The following MYO16 variants were observed in gnomAD, a reference collection of about 807,000 sequenced individuals.
The protein encoded by MYO16 is myosin XVI.
MYO16 carries 94 observed loss-of-function variants against 205.3 expected under a neutral mutation model. That is an observed-to-expected ratio of 0.46 (90% CI 0.39 to 0.54). The LOEUF (loss-of-function observed/expected upper bound fraction) is 0.54. Ranked by LOEUF, MYO16 falls within the 20% of genes least tolerant of loss-of-function variation. The pLI, the probability that MYO16 is intolerant of heterozygous loss-of-function variation, is 0.00. For missense variants in MYO16, 2,315 were observed against 2,387.5 expected (o/e 0.97, Z 0.63); for synonymous variants, 988 against 954.0 (o/e 1.04, Z -0.66).
intron 1 of MYO16, among the ~76,000 whole-genome samples, chr13:108,604,586 T>C (rs1258952228): frequency 7.2e-5 from 11 of 152,182 alleles, no homozygotes; most frequent in Admixed American, 2.6e-4. Flanking sequence ...AATATTAACA[T>C]TGAAGTTGAT....
chr13:109,060,162 T>G (rs139470335), intron 27 of MYO16, among the ~76,000 whole-genome samples: 8 of 152,308 alleles, frequency 5.3e-5, no homozygotes, highest in Admixed American at 2.0e-4. Context: ...TTATAAATCA[T>G]GCTGCTATAA....
chr13:108,593,398 G>A (rs1287588658), upstream of MYO16, among the ~76,000 whole-genome samples: 4 of 152,122 alleles, frequency 2.6e-5, no homozygotes, highest in African/African-American at 7.2e-5. Flanking sequence ...ATCAGTTCCC[G>A]GAGGGAGCTG....
At chr13:108,890,638 A>G (rs1880128146) in intron 14 of MYO16, among the ~76,000 whole-genome samples, 1 of 152,184 alleles carries the variant, frequency 6.6e-6, no homozygotes, top group Non-Finnish European at 1.5e-5. Context: ...GTTCGGACTC[A>G]TTGATAACTA....
At chr13:108,535,741 A>G in the MYO16 span, among the ~76,000 whole-genome samples, 2 of 152,236 alleles carry the variant, frequency 1.3e-5, no homozygotes, top group African/African-American at 2.4e-5. Flanking sequence ...AGGTCAAACC[A>G]GAATTCAAGA....
At chr13:108,545,351 G>A in the MYO16 span, among the ~76,000 whole-genome samples, 1 of 152,044 alleles carries the variant, frequency 6.6e-6, no homozygotes, top group Non-Finnish European at 1.5e-5. Flanking sequence ...TTTTTATGGC[G>A]GCATAGTATT....
intron 4 of MYO16, among the ~76,000 whole-genome samples, chr13:108,752,981 G>T (rs967337356): frequency 1.3e-5 from 2 of 151,334 alleles, no homozygotes; most frequent in Non-Finnish European, 2.9e-5. Flanking sequence ...TATCAGAAAT[G>T]TATTAAATAT....
rs751894758 is a variant in MYO16, at chr13:109,141,089, C to T, written c.4877C>T (p.Ala1626Val). The T allele has an allele frequency of 2.3e-5, 34 of 1,483,016 alleles. No individual in the cohort carries two copies. Among genetic ancestry groups the T allele is most frequent in the Non-Finnish European group, 2.7e-5 (30 of 1,119,384 alleles). 91.9% of individuals were successfully genotyped at this position (1,483,016 alleles called of 1,614,324 possible). A position where few individuals can be genotyped will look rare whatever the true frequency, so the allele number is the denominator to read the frequency against. The change falls in exon 32 of 35, where the codon GCG becomes GTG. Residue 1626 changes from alanine (A) to valine (V), a missense_variant. Ala to Val is a moderately conservative substitution (Grantham distance 64). This residue lies in a region of MYO16 where 1,097 missense variants were observed against 1,092.0 expected (regional missense o/e 1.00). Transcript: ENST00000457511. The surrounding 1 kb of genome is among the most constrained non-coding windows in gnomAD (Gnocchi z 4.1). ...AFPPEPAPVN[A>V]GKAGPSAEAP... ...CCGCCGGAGCCCGCCCCGGTGAACG[C>T]GGGGAAAGCGGGGCCGAGCGCAGAG...
chr13:109,159,202 A>G (rs193267728), intron 32 of MYO16, among the ~76,000 whole-genome samples: 5 of 152,330 alleles, frequency 3.3e-5, no homozygotes, highest in Admixed American at 2.0e-4. Flanking sequence ...CCATTGCATA[A>G]AAGAAAATAT....
At chr13:108,906,777 C>A (rs1384327188) in intron 15 of MYO16, among the ~76,000 whole-genome samples, 1 of 152,122 alleles carries the variant, frequency 6.6e-6, no homozygotes, top group African/African-American at 2.4e-5. Flanking sequence ...GGCCTTGGGA[C>A]ACTTGCGTCT....
intron 1 of MYO16, among the ~76,000 whole-genome samples, chr13:108,656,901 T>A (rs1881270377): frequency 6.6e-6 from 1 of 152,156 alleles, no homozygotes; most frequent in African/African-American, 2.4e-5. Flanking sequence ...TGAAAACAGG[T>A]ACTCCATCCT....
chr13:109,140,743 C>G lies in MYO16; in HGVS notation c.4531C>G (p.Arg1511Gly). ...PPPFPNLLPH[R>G]PPLLVFPPTP... ...GCCCTTCCCCAACCTGCTGCCGCAC[C>G]GGCCGCCCCTGCTGGTGTTCCCCCC... The change falls in exon 32 of 35, where the codon CGG (arginine) becomes GGG (glycine). Residue 1511 changes from arginine to glycine, a missense_variant. Arg to Gly is a moderately radical substitution (Grantham distance 125, BLOSUM62 -2). Coordinates refer to ENST00000457511, the MANE Select transcript of MYO16 (RefSeq NM_001198950.3). This position sits in a 1 kb window ranked among gnomAD's most constrained non-coding sequence, Gnocchi z 8.0. 6.6e-7 allele frequency: 1 copy of G among 1,526,044 alleles called. No homozygotes were observed. The highest frequency in any genetic ancestry group is 8.8e-7 in the Non-Finnish European group (1 of 1,138,172). 94.5% of individuals were successfully genotyped at this position (1,526,044 alleles called of 1,614,324 possible).
At chr13:108,790,811 C>A (rs1886594976) in intron 5 of MYO16, among the ~76,000 whole-genome samples, 1 of 152,102 alleles carries the variant, frequency 6.6e-6, no homozygotes, top group African/African-American at 2.4e-5. Context: ...CAACAGGGAC[C>A]AGAAATAGAT....
intron 16 of MYO16, among the ~76,000 whole-genome samples, chr13:108,957,232 A>C (rs896403830): frequency 6.6e-6 from 1 of 151,998 alleles, no homozygotes; most frequent in East Asian, 1.9e-4. Context: ...AAAAATACAA[A>C]AATTAGCCGG....
chr13:108,870,952 G>A (rs1264858023), intron 12 of MYO16, among the ~76,000 whole-genome samples: 1 of 151,816 alleles, frequency 6.6e-6, no homozygotes, highest in Non-Finnish European at 1.5e-5. Context: ...GGTATTATCT[G>A]TTTCTATTTG....
intron 13 of MYO16, chr13:108,886,514 G>GCA: frequency 4.4e-6 from 2 of 456,020 alleles, no homozygotes; most frequent in South Asian, 3.1e-5. Flanking sequence ...GCAGAGAGGG[G>GCA]TCCTGAAGCA....
intron 10 of MYO16, among the ~76,000 whole-genome samples, chr13:108,847,365 T>C (rs1032624703): frequency 1.3e-5 from 2 of 152,176 alleles, no homozygotes; most frequent in African/African-American, 4.8e-5. Flanking sequence ...ATTCACCCAG[T>C]AATATGCCGC....
At chr13:108,747,349 G>A (rs1856278) in intron 4 of MYO16, among the ~76,000 whole-genome samples, 26,207 of 152,060 alleles carry the variant, frequency 0.17, 2,321 homozygotes, top group Middle Eastern at 0.32. Flanking sequence ...TTATTATAGC[G>A]TAAGGATAAG....
rs142180111 is a variant in MYO16 at position 108,617,315 on chromosome 13, A to G, written c.-39+21076A>G. On this transcript the variant is annotated intron_variant, in intron 1 of 24. Coordinates refer to the MYO16 transcript ENST00000251041. ...TCTCTGGGGATGCTGCTGCTGGTCC[A>G]GGGGCCACGGTTAAAACCACAGGAC... Among the ~76,000 whole-genome samples the G allele has an allele frequency of 1.8e-3, 278 of 152,278 alleles. 1 individual carries two copies. Among genetic ancestry groups the G allele is most frequent in the Middle Eastern group, 6.8e-3 (2 of 294 alleles).
At chr13:108,948,242 C>T (rs761305460) in intron 16 of MYO16, among the ~76,000 whole-genome samples, 7 of 152,146 alleles carry the variant, frequency 4.6e-5, no homozygotes, top group Non-Finnish European at 8.8e-5. Context: ...CCTTATTTGG[C>T]TTCTGTTTAT....
Sources: allele counts gnomAD v4.1 joint callset (sites outside exome capture counted in the v4.1 genomes callset), GRCh38; gene constraint gnomAD v4.1.1; regional missense constraint gnomAD v4.1.1; non-coding constraint Gnocchi (gnomAD v3.1); transcripts MANE v1.5; gene names NCBI Gene and HGNC (gene_info 2026-07-23, HGNC 2026-07-21).